FSTL5: variants seen among roughly 807,000 people sequenced by gnomAD.
The protein encoded by FSTL5 is follistatin-related protein 5.
Under a neutral mutation model 89.1 loss-of-function variants are expected in FSTL5, and 62 were observed. The observed-to-expected ratio is 0.70, with a 90% CI of 0.57 to 0.86. The LOEUF is 0.86. Ranked by LOEUF, FSTL5 falls within the 40% of genes least tolerant of loss-of-function variation. The pLI, the probability that FSTL5 is intolerant of heterozygous loss-of-function variation, is 0.00. For synonymous variants in FSTL5, 383 were observed against 346.2 expected, an observed-to-expected ratio of 1.11 and a Z score of -1.18; for missense variants, 1,057 against 1,001.6, an observed-to-expected ratio of 1.06 and a Z score of -0.75.
intron 6 of FSTL5, among the ~76,000 whole-genome samples, chr4:161,659,430 C>T (rs1736632385): frequency 6.6e-6 from 1 of 151,950 alleles, no homozygotes; most frequent in African/African-American, 2.4e-5. Context: ...ACAGAATTGC[C>T]ATGCCCATCT....
At chr4:161,977,639 A>AAATAATAATAAT (rs70937700) in intron 3 of FSTL5, among the ~76,000 whole-genome samples, 1,144 of 100,860 alleles carry the variant, frequency 0.011, 16 homozygotes, top group Middle Eastern at 0.025. Context: ...AAAAAAAAAA[A>AAATAATAATAAT]AATAATAATA....
At chr4:161,476,729 CAGACACT>C (rs1734164457) in intron 13 of FSTL5, among the ~76,000 whole-genome samples, 1 of 152,142 alleles carries the variant, frequency 6.6e-6, no homozygotes, top group Non-Finnish European at 1.5e-5. Flanking sequence ...GGAGTATAAA[CAGACACT>C]AGGCCTTTAG....
At chr4:161,553,107 T>C (rs921959550) in intron 8 of FSTL5, among the ~76,000 whole-genome samples, 25 of 151,716 alleles carry the variant, frequency 1.6e-4, no homozygotes, top group African/African-American at 6.0e-4. Flanking sequence ...AAATGTGATA[T>C]TTAAAGATCA....
At chr4:162,098,183 CAAT>C (rs950824419) in intron 2 of FSTL5, among the ~76,000 whole-genome samples, 4 of 151,860 alleles carry the variant, frequency 2.6e-5, no homozygotes, top group African/African-American at 9.7e-5. Context: ...AGATGAATCT[CAAT>C]ATTATTCTGA....
chr4:161,565,172 C>G (rs1007716394), intron 8 of FSTL5, among the ~76,000 whole-genome samples: 2 of 151,758 alleles, frequency 1.3e-5, no homozygotes, highest in Non-Finnish European at 2.9e-5. Flanking sequence ...GAAAACTAAT[C>G]AAAGCCCTCC....
At chr4:162,145,332 T>A (rs1732931126) in intron 1 of FSTL5, among the ~76,000 whole-genome samples, 2 of 152,068 alleles carry the variant, frequency 1.3e-5, no homozygotes, top group Non-Finnish European at 1.5e-5. Context: ...TACTGATAGG[T>A]ATGATAGAAA....
chr4:161,890,924 TAACTCA>T (rs1732969479), intron 4 of FSTL5, among the ~76,000 whole-genome samples: 1 of 152,112 alleles, frequency 6.6e-6, no homozygotes, highest in Admixed American at 6.5e-5. Flanking sequence ...ATACTGTCTC[TAACTCA>T]AAGGCAACTA....
At chr4:161,974,001 A>G (rs1735560007) in intron 3 of FSTL5, among the ~76,000 whole-genome samples, 1 of 152,194 alleles carries the variant, frequency 6.6e-6, no homozygotes, top group South Asian at 2.1e-4. Flanking sequence ...GTGAACTCCC[A>G]TTCACAATTG....
chr4:161,466,546 A>AT (rs1417055342), intron 13 of FSTL5, among the ~76,000 whole-genome samples: 2 of 152,160 alleles, frequency 1.3e-5, no homozygotes, highest in African/African-American at 4.8e-5. Context: ...GAGACTGCTG[A>AT]TAATACTTAA....
intron 4 of FSTL5, among the ~76,000 whole-genome samples, chr4:161,814,712 TC>T (rs1186643068): frequency 2.6e-5 from 4 of 152,138 alleles, no homozygotes; most frequent in Non-Finnish European, 4.4e-5. Context: ...ATAGCTTTTG[TC>T]TTCTTATACT....
chr4:161,803,120 A>C (rs1729849749), intron 4 of FSTL5, among the ~76,000 whole-genome samples: 1 of 151,958 alleles, frequency 6.6e-6, no homozygotes, highest in Admixed American at 6.6e-5. Context: ...AAACTTACTT[A>C]AACTTTTATT....
chr4:161,850,647 G>A (rs1731520251), intron 4 of FSTL5, among the ~76,000 whole-genome samples: 1 of 152,104 alleles, frequency 6.6e-6, no homozygotes, highest in Non-Finnish European at 1.5e-5. Flanking sequence ...TAAGGCTGAT[G>A]GGAGCTGGTT....
chr4:162,057,407 A>C (rs532874274), intron 2 of FSTL5, among the ~76,000 whole-genome samples: 1 of 152,328 alleles, frequency 6.6e-6, no homozygotes, highest in South Asian at 2.1e-4. Context: ...GATAACTTAG[A>C]AATTACTCAT....
chr4:162,157,728 C>T (rs1160615383), intron 1 of FSTL5, among the ~76,000 whole-genome samples: 3 of 152,038 alleles, frequency 2.0e-5, no homozygotes, highest in Non-Finnish European at 4.4e-5. Context: ...TTTCTATCTC[C>T]TTTGGGATCC....
At chr4:161,782,567 T>C (rs948385262) in intron 4 of FSTL5, among the ~76,000 whole-genome samples, 1 of 152,188 alleles carries the variant, frequency 6.6e-6, no homozygotes, top group African/African-American at 2.4e-5. Flanking sequence ...TGAATTGGTT[T>C]AATTTATAAT....
At chr4:162,091,091 C>T (rs1182437113) in intron 2 of FSTL5, among the ~76,000 whole-genome samples, 1 of 152,244 alleles carries the variant, frequency 6.6e-6, no homozygotes, top group African/African-American at 2.4e-5. Flanking sequence ...GTTTTGCCTT[C>T]CACTTAGAAT....
chr4:161,726,411 A>G (rs1184485517), intron 6 of FSTL5, among the ~76,000 whole-genome samples: 6 of 151,576 alleles, frequency 4.0e-5, no homozygotes, highest in East Asian at 2.0e-4. Context: ...ATTTTTTAGT[A>G]GAGATGGGGT....
At chr4:161,605,222 C>A (rs1734394126) in intron 7 of FSTL5, among the ~76,000 whole-genome samples, 1 of 152,252 alleles carries the variant, frequency 6.6e-6, no homozygotes, top group East Asian at 1.9e-4. Context: ...TGTGAAAATT[C>A]ATTTATTCAC....
intron 4 of FSTL5, among the ~76,000 whole-genome samples, chr4:161,888,199 C>T (rs919419399): frequency 1.3e-5 from 2 of 152,146 alleles, no homozygotes; most frequent in Non-Finnish European, 2.9e-5. Flanking sequence ...TTAGGTGTAG[C>T]CATGTGACTG....
Sources: gnomAD v4.1 joint callset for allele counts (sites outside exome capture counted in the v4.1 genomes callset) on GRCh38, gnomAD v4.1.1 for gene constraint, MANE v1.5 for transcripts, NCBI Gene and HGNC (gene_info 2026-07-23, HGNC 2026-07-21) for gene names.